NRP1: variants seen among roughly 807,000 people sequenced by gnomAD.
NRP1 encodes neuropilin-1.
A neutral mutation model predicts 106.7 loss-of-function variants in NRP1; 35 were observed. The observed-to-expected ratio is 0.33, with a 90% CI of 0.25 to 0.43. NRP1 has a LOEUF of 0.43. Ranked by LOEUF, NRP1 falls within the 20% of genes least tolerant of loss-of-function variation. The probability of loss-of-function intolerance (pLI) is 1.00; values close to 1 mark genes in which losing one functional copy is unlikely to be tolerated. For synonymous variants in NRP1, 437 were observed against 417.9 expected (o/e 1.05, Z -0.56); for missense variants, 1,024 against 1,170.4 (o/e 0.87, Z 1.83).
intron 8 of NRP1, among the ~76,000 whole-genome samples, chr10:33,218,748 C>A (rs1838987863): frequency 6.6e-6 from 1 of 152,146 alleles, no homozygotes; most frequent in Non-Finnish European, 1.5e-5. Context: ...CAAGCAGTAA[C>A]CTTTCATTAG....
chr10:33,188,340 C>T (rs112579655), intron 13 of NRP1, among the ~76,000 whole-genome samples: 1,698 of 152,226 alleles, frequency 0.011, 12 homozygotes, highest in Non-Finnish European at 0.02. Flanking sequence ...GATGCTCTCC[C>T]ATAGGACATC....
intron 2 of NRP1, among the ~76,000 whole-genome samples, chr10:33,286,214 G>A (rs553524293): frequency 3.3e-5 from 5 of 152,224 alleles, no homozygotes; most frequent in Admixed American, 2.0e-4. Context: ...GCAAAGAAAC[G>A]GCTTCTCTAA....
intron 3 of NRP1, among the ~76,000 whole-genome samples, chr10:33,265,612 A>G (rs1338690250): frequency 6.6e-6 from 1 of 152,208 alleles, no homozygotes; most frequent in East Asian, 1.9e-4. Flanking sequence ...TCATGCACAT[A>G]TCGGCTATCC....
chr10:33,197,808 T>A, intron 11 of NRP1, 99 bp from the exon 12 acceptor site: 1 of 575,182 alleles, frequency 1.7e-6, no homozygotes. Context: ...GGCAAATATT[T>A]TCCATAGAAA....
At chr10:33,246,816 G>A (rs1362901628) in intron 6 of NRP1, among the ~76,000 whole-genome samples, 2 of 152,114 alleles carry the variant, frequency 1.3e-5, no homozygotes, top group African/African-American at 2.4e-5. Flanking sequence ...ACCCCCTAAA[G>A]TGTCTGGTTT....
At chr10:33,319,002 C>CTTTTTTTTT (rs36010472) in intron 2 of NRP1, among the ~76,000 whole-genome samples, 15 of 90,762 alleles carry the variant, frequency 1.7e-4, no homozygotes, top group African/African-American at 2.5e-4. Flanking sequence ...TCTTTTCTTT[C>CTTTTTTTTT]TTTTTTTTTT....
At chr10:33,247,976 T>C (rs956690750) in intron 6 of NRP1, among the ~76,000 whole-genome samples, 2 of 152,184 alleles carry the variant, frequency 1.3e-5, no homozygotes, top group African/African-American at 4.8e-5. Context: ...TTTGTAAGAC[T>C]AAAATAGGAC....
chr10:33,331,615 C>T (rs1476494211), intron 1 of NRP1, among the ~76,000 whole-genome samples: 1 of 152,166 alleles, frequency 6.6e-6, no homozygotes, highest in Non-Finnish European at 1.5e-5. Flanking sequence ...TGAAAAATAA[C>T]CCACCACACA....
intron 6 of NRP1, chr10:33,249,656 A>G: frequency 2.7e-6 from 1 of 367,400 alleles, no homozygotes. Context: ...AAAAAAAGGC[A>G]GGGCAGGCAA....
chr10:33,208,100 AT>A lies in NRP1; in HGVS notation c.1615-385del, dbSNP rs1490738623. 2.6e-5 allele frequency among the ~76,000 whole-genome samples: 4 copies of A among 152,044 alleles called. No individual in the cohort carries two copies. The East Asian group carries it at 7.8e-4, about 30-fold the overall frequency. ...GCCACCATGCCTAGCTAACTTTTGTATTTTTTGCAGAGTTGGGGTTTCACCA... is the reference window on the plus strand; with the variant it reads ...GCCACCATGCCTAGCTAACTTTTGTATTTTTGCAGAGTTGGGGTTTCACCA... On this transcript the variant is annotated intron_variant, in intron 9 of 16. Transcript: ENST00000374867.
In NRP1 at chr10:33,179,318, CAA is replaced by C. The variant is rs1249439007; in HGVS notation, c.*756_*757del. Reference sequence around the variant, plus strand: ...ATGTAACACAATGAACCAGTACAAACAAAAAGGCACTTGAGAGGACATAGACT... The same window carrying C: ...ATGTAACACAATGAACCAGTACAAACAAAGGCACTTGAGAGGACATAGACT... On this transcript the variant is annotated 3_prime_UTR_variant, in exon 17 of 17. Coordinates refer to ENST00000374867, the MANE Select transcript of NRP1 (RefSeq NM_003873.7). 6.6e-6 allele frequency: 1 copy of C among 152,660 alleles called. No individual in the cohort carries two copies. The highest frequency in any genetic ancestry group is 1.9e-4 in the East Asian group (1 of 5,172). 9.5% of individuals were successfully genotyped at this position (152,660 alleles called of 1,614,324 possible).
rs192666920 is a variant in NRP1 at position 33,189,833 on chromosome 10, T to C, written c.2062+2448A>G. On this transcript the variant is annotated intron_variant, in intron 13 of 16. Transcript: ENST00000374867. Reference sequence around the variant, plus strand: ...CCATCTACTCTCTAATGTCAGTCTATGCGCGGGAGCTTCGTGAAGGGCTCT... The same window carrying C: ...CCATCTACTCTCTAATGTCAGTCTACGCGCGGGAGCTTCGTGAAGGGCTCT... 5.2e-5 allele frequency among the ~76,000 whole-genome samples: 8 copies of C among 152,384 alleles called. 1 individual carries two copies. Among genetic ancestry groups the C allele is most frequent in the Admixed American group, 3.9e-4 (6 of 15,304 alleles).
At chr10:33,250,042 G>C (rs1289454091) in intron 6 of NRP1, among the ~76,000 whole-genome samples, 1 of 152,154 alleles carries the variant, frequency 6.6e-6, no homozygotes, top group Non-Finnish European at 1.5e-5. Flanking sequence ...TGTTGCTACA[G>C]CAACTTGTTT....
intron 6 of NRP1, among the ~76,000 whole-genome samples, chr10:33,247,650 C>T (rs1275308835): frequency 2.6e-5 from 4 of 152,326 alleles, no homozygotes; most frequent in South Asian, 2.1e-4. Flanking sequence ...ATACCTCAGT[C>T]GCAAGAGCAT....
rs58186881 is a variant in NRP1 at position 33,203,853 on chromosome 10, G to C, written c.1760-858C>G. 2.5e-5 allele frequency among the ~76,000 whole-genome samples: 3 copies of C among 122,038 alleles called. 1 individual carries two copies. In the East Asian group the frequency reaches 1.2e-3, roughly 47 times the overall value. The allele number at this position is 122,038 out of a possible 152,430, so 80.1% of individuals were successfully genotyped here. Reference sequence around the variant, plus strand: ...CTTCCCGGGTTCACGCCATTCTCCTGCCTCAGCCTCCCGAGTAGCTGGGAC... The same window carrying C: ...CTTCCCGGGTTCACGCCATTCTCCTCCCTCAGCCTCCCGAGTAGCTGGGAC... On this transcript the variant is annotated intron_variant, in intron 10 of 16. Transcript: ENST00000374867.
chr10:33,300,447 C>T (rs917876817), intron 2 of NRP1, among the ~76,000 whole-genome samples: 5 of 152,196 alleles, frequency 3.3e-5, no homozygotes, highest in African/African-American at 7.2e-5. Context: ...CCAAAGAGTT[C>T]GAGTTCCTCC....
At chr10:33,288,460 G>A (rs1296253457) in intron 2 of NRP1, 3 of 152,198 alleles carry the variant, frequency 2.0e-5, no homozygotes, top group Non-Finnish European at 4.4e-5. Flanking sequence ...CTGTTCCAAG[G>A]AGGTCACCAT....
chr10:33,223,931 C>A (rs2132918054), intron 7 of NRP1, among the ~76,000 whole-genome samples: 1 of 152,214 alleles, frequency 6.6e-6, no homozygotes, highest in Admixed American at 6.5e-5. Flanking sequence ...GCATTTTCCT[C>A]CCACTGAGGG....
At chr10:33,218,502 C>T (rs1838969152) in intron 8 of NRP1, among the ~76,000 whole-genome samples, 1 of 151,932 alleles carries the variant, frequency 6.6e-6, no homozygotes, top group Non-Finnish European at 1.5e-5. Flanking sequence ...CATGCCACCA[C>T]ACCTGGGTAA....
Sources: gnomAD v4.1 joint callset for allele counts (sites outside exome capture counted in the v4.1 genomes callset) on GRCh38, gnomAD v4.1.1 for gene constraint, MANE v1.5 for transcripts, NCBI Gene and HGNC (gene_info 2026-07-23, HGNC 2026-07-21) for gene names.